Variants in DAB1 observed in about 807,000 individuals in gnomAD.
DAB1 encodes disabled homolog 1.
A neutral mutation model predicts 64.6 loss-of-function variants in DAB1; 15 were observed. The ratio of observed to expected loss-of-function variants is 0.23; its 90% CI spans 0.16 to 0.36. The LOEUF is 0.36. Among genes scored for constraint, DAB1 ranks in the 10% least tolerant of loss-of-function variants. DAB1 has a pLI of 1.00. For synonymous variants in DAB1, 235 were observed against 251.9 expected (o/e 0.93, Z 0.64); for missense variants, 596 against 706.7 (o/e 0.84, Z 1.78).
intron 7 of DAB1, among the ~76,000 whole-genome samples, chr1:57,550,755 C>T (rs1438989761): frequency 2.0e-5 from 3 of 152,136 alleles, no homozygotes; most frequent in African/African-American, 7.2e-5. Context: ...ACAGACTGTA[C>T]TTTTTTGTTA....
At chr1:58,107,340 G>T (rs1651712827) in intron 5 of DAB1, among the ~76,000 whole-genome samples, 1 of 150,562 alleles carries the variant, frequency 6.6e-6, no homozygotes, top group Non-Finnish European at 1.5e-5. Flanking sequence ...GCGTGGTGGT[G>T]GGCACCTGTA....
intron 3 of DAB1, among the ~76,000 whole-genome samples, chr1:58,347,077 T>C (rs1184350054): frequency 7.8e-6 from 1 of 128,932 alleles, no homozygotes; most frequent in East Asian, 2.5e-4. Flanking sequence ...GAAATGATTA[T>C]GGGTTTGTTT....
At chr1:58,111,794 C>A (rs746127269) in intron 5 of DAB1, among the ~76,000 whole-genome samples, 1 of 152,138 alleles carries the variant, frequency 6.6e-6, no homozygotes, top group Non-Finnish European at 1.5e-5. Context: ...CTCTCTCTCT[C>A]AGCTCTGAAC....
chr1:58,224,568 C>A (rs888305234), intron 4 of DAB1, among the ~76,000 whole-genome samples: 6 of 152,114 alleles, frequency 3.9e-5, no homozygotes, highest in African/African-American at 1.4e-4. Context: ...CTAGTGGGGA[C>A]ACCAAGAAAT....
intron 3 of DAB1, among the ~76,000 whole-genome samples, chr1:58,455,447 A>C (rs1475280147): frequency 6.6e-6 from 1 of 152,240 alleles, no homozygotes; most frequent in Non-Finnish European, 1.5e-5. Flanking sequence ...TCCTCAGCAG[A>C]GACATGCAGG....
At chr1:57,062,085 G>A (rs568545735) in intron 9 of DAB1, among the ~76,000 whole-genome samples, 1 of 152,170 alleles carries the variant, frequency 6.6e-6, no homozygotes, top group African/African-American at 2.4e-5. Context: ...CATGCCAGTT[G>A]TAGGTCCTAA....
intron 9 of DAB1, among the ~76,000 whole-genome samples, chr1:57,046,666 G>T (rs989311547): frequency 6.6e-6 from 1 of 152,212 alleles, no homozygotes; most frequent in Non-Finnish European, 1.5e-5. Flanking sequence ...CAGGAATAAT[G>T]ACAGACTCAC....
intron 1 of DAB1, among the ~76,000 whole-genome samples, chr1:57,325,286 C>G (rs1031176146): frequency 2.0e-5 from 3 of 152,226 alleles, no homozygotes; most frequent in African/African-American, 7.2e-5. Context: ...GTTCTGGGCT[C>G]TTAGCCCGAG....
chr1:57,318,155 C>CAAAAAAAAAA (rs3042914), intron 1 of DAB1, among the ~76,000 whole-genome samples: 1 of 103,442 alleles, frequency 9.7e-6, no homozygotes, highest in Non-Finnish European at 1.8e-5. Context: ...AGCTGCAACT[C>CAAAAAAAAAA]AAAAAAAAAA....
At chr1:57,205,384 C>T (rs1190967531) in intron 2 of DAB1, among the ~76,000 whole-genome samples, 4 of 152,236 alleles carry the variant, frequency 2.6e-5, no homozygotes, top group African/African-American at 9.6e-5. Context: ...TCTCTACTCT[C>T]TGAGCGTAGC....
At chr1:57,741,796 A>T (rs533510795) in intron 6 of DAB1, among the ~76,000 whole-genome samples, 39 of 152,350 alleles carry the variant, frequency 2.6e-4, no homozygotes, top group African/African-American at 8.9e-4. Flanking sequence ...CAGCTGGACA[A>T]GGTTAATTAG....
intron 6 of DAB1, among the ~76,000 whole-genome samples, chr1:57,687,797 A>C (rs1646718746): frequency 6.6e-6 from 1 of 151,998 alleles, no homozygotes. Context: ...TGACAAAGCC[A>C]ACAAAAGTAA....
intron 7 of DAB1, among the ~76,000 whole-genome samples, chr1:57,548,670 C>T (rs1644881761): frequency 6.6e-6 from 1 of 152,168 alleles, no homozygotes; most frequent in Non-Finnish European, 1.5e-5. Context: ...TGCAACTTAG[C>T]CTACCAGATT....
At chr1:57,243,762 T>A (rs12070321) in intron 2 of DAB1, among the ~76,000 whole-genome samples, 1 of 152,078 alleles carries the variant, frequency 6.6e-6, no homozygotes, top group Non-Finnish European at 1.5e-5. Flanking sequence ...CCATGAGACA[T>A]AAGCAGCGCT....
intron 5 of DAB1, among the ~76,000 whole-genome samples, chr1:57,991,967 G>A (rs944080605): frequency 1.3e-5 from 2 of 151,840 alleles, no homozygotes; most frequent in African/African-American, 2.4e-5. Context: ...ATTCCAGGTA[G>A]AGACCTGCAC....
intron 6 of DAB1, among the ~76,000 whole-genome samples, chr1:57,818,975 C>A (rs1031930303): frequency 6.6e-5 from 10 of 152,094 alleles, no homozygotes; most frequent in African/African-American, 2.4e-4. Flanking sequence ...AGAAAGATAG[C>A]AACTTGGTGC....
In DAB1 at chr1:56,995,878, C is replaced by G. The variant is rs1057111632; in HGVS notation, c.*2266G>C. On this transcript the variant is annotated 3_prime_UTR_variant, in exon 15 of 15. Coordinates refer to ENST00000371236, the MANE Select transcript of DAB1 (RefSeq NM_001365792.1). ...TCTTCCCGTTCATGTGAAAGGGTTA[C>G]CTAATCATAAAATGTTTGCTCATTT... The G allele has an allele frequency of 6.6e-6, 1 of 152,172 alleles. No homozygotes were observed. Among genetic ancestry groups the G allele is most frequent in the African/African-American group, 2.4e-5 (1 of 41,426 alleles). 9.4% of individuals were successfully genotyped at this position (152,172 alleles called of 1,614,324 possible). A position where few individuals can be genotyped will look rare whatever the true frequency, so the allele number is the denominator to read the frequency against.
intron 2 of DAB1, among the ~76,000 whole-genome samples, chr1:57,167,402 A>G (rs1661303205): frequency 6.6e-6 from 1 of 152,086 alleles, no homozygotes; most frequent in Non-Finnish European, 1.5e-5. Flanking sequence ...CACCCCTTGT[A>G]TGCTTCTACG....
intron 5 of DAB1, among the ~76,000 whole-genome samples, chr1:57,977,704 C>A (rs960430054): frequency 1.9e-4 from 1 of 5,210 alleles, no homozygotes; most frequent in African/African-American, 2.1e-4. Context: ...CCTTTGCTGA[C>A]GACATCCCCC....
Sources: gnomAD v4.1 joint callset for allele counts (sites outside exome capture counted in the v4.1 genomes callset) on GRCh38, gnomAD v4.1.1 for gene constraint, MANE v1.5 for transcripts, NCBI Gene and HGNC (gene_info 2026-07-23, HGNC 2026-07-21) for gene names.